The following MFN1 variants were observed in gnomAD, a reference collection of about 807,000 sequenced individuals.
The protein encoded by MFN1 is mitofusin 1.
A neutral mutation model predicts 92.4 loss-of-function variants in MFN1; 65 were observed. The observed-to-expected ratio is 0.70, with a 90% CI of 0.58 to 0.86. The LOEUF (loss-of-function observed/expected upper bound fraction) is 0.86. Among genes scored for constraint, MFN1 ranks in the 40% least tolerant of loss-of-function variants. The pLI is 0.00. For missense variants in MFN1, 781 were observed against 868.0 expected (o/e 0.90, Z 1.26); for synonymous variants, 297 against 300.9 (o/e 0.99, Z 0.13).
In MFN1 at chr3:179,382,707, A is replaced by G. The variant is rs571854304; in HGVS notation, c.1663-2862A>G. Among the ~76,000 whole-genome samples, 129 of 152,272 alleles carry G rather than the reference A, an allele frequency of 8.5e-4. 2 individuals carry two copies. Among genetic ancestry groups the G allele is most frequent in the African/African-American group, 2.9e-3 (120 of 41,560 alleles). On this transcript the variant is annotated intron_variant, in intron 14 of 17. Coordinates refer to ENST00000471841, the MANE Select transcript of MFN1 (RefSeq NM_033540.3). ...CCACCAACAGTGTAAAAGTGTTCCT[A>G]TTTCTCCACATCCTCTCCAGCACCT... is the stretch of plus-strand genomic sequence containing the variant.
intron 12 of MFN1, among the ~76,000 whole-genome samples, chr3:179,377,776 A>C (rs962105578): frequency 3.9e-5 from 6 of 152,148 alleles, no homozygotes; most frequent in Admixed American, 3.9e-4. Context: ...TCTACAAAAA[A>C]CAGTTAGGCT....
In MFN1 at chr3:179,390,138, GGTATT is replaced by G; in HGVS notation, c.2147+1_2147+5del. ...ATACAAAACAATTCAAAGCTCTTAAGGTATTTAAACCTTTCTTCTCAATAATTTGA... is the reference window on the plus strand; with the variant it reads ...ATACAAAACAATTCAAAGCTCTTAAGTAAACCTTTCTTCTCAATAATTTGA... On this transcript the variant is annotated splice_donor_variant and splice_donor_5th_base_variant and intron_variant, in intron 17 of 17. Coordinates refer to ENST00000471841, the MANE Select transcript of MFN1 (RefSeq NM_033540.3). LOFTEE classifies it high-confidence loss of function. 1 of 1,568,152 alleles carries G rather than the reference GGTATT, an allele frequency of 6.4e-7. No individual in the cohort carries two copies. The highest frequency in any genetic ancestry group is 8.6e-7 in the Non-Finnish European group (1 of 1,163,606).
intron 9 of MFN1, 99 bp from the exon 10 acceptor site, chr3:179,375,121 G>T: frequency 7.1e-6 from 9 of 1,271,032 alleles, no homozygotes; most frequent in East Asian, 2.8e-5. Flanking sequence ...CTTTATTTCT[G>T]TTTGGGTTAA....
chr3:179,357,221 C>T (rs1032914522), intron 3 of MFN1, among the ~76,000 whole-genome samples: 1 of 152,154 alleles, frequency 6.6e-6, no homozygotes, highest in African/African-American at 2.4e-5. Context: ...TGCAAATGGT[C>T]AGTATCTGGT....
chr3:179,377,923 G>A (rs986831953), intron 12 of MFN1, among the ~76,000 whole-genome samples: 9 of 152,028 alleles, frequency 5.9e-5, no homozygotes, highest in South Asian at 4.1e-4. Flanking sequence ...AAAATTAGCC[G>A]GTGGCAGGCG....
At chr3:179,370,613 T>A (rs1300344142) in intron 9 of MFN1, among the ~76,000 whole-genome samples, 1 of 152,010 alleles carries the variant, frequency 6.6e-6, no homozygotes, top group Non-Finnish European at 1.5e-5. Flanking sequence ...GGTTACACAG[T>A]GTTGGCCAGG....
intron 14 of MFN1, among the ~76,000 whole-genome samples, chr3:179,381,333 C>T (rs1464862480): frequency 1.3e-5 from 2 of 152,240 alleles, no homozygotes; most frequent in Non-Finnish European, 2.9e-5. Flanking sequence ...AGAGGACCCA[C>T]TTCTTGGTCC....
intron 14 of MFN1, among the ~76,000 whole-genome samples, chr3:179,382,651 T>G (rs535251631): frequency 6.6e-6 from 1 of 152,312 alleles, no homozygotes; most frequent in African/African-American, 2.4e-5. Context: ...CACCACACTG[T>G]CTTCCACAAT....
intron 9 of MFN1, among the ~76,000 whole-genome samples, chr3:179,368,474 C>G (rs550382935): frequency 1.3e-5 from 2 of 152,230 alleles, no homozygotes; most frequent in South Asian, 4.1e-4. Context: ...AAGCATTATC[C>G]TTTTTTACTT....
Position 179,351,923 on chromosome 3 carries a change from G to C in MFN1, c.136G>C (p.Asp46His), listed in dbSNP as rs1158176194. The change falls in exon 3 of 18, where the codon GAT becomes CAT. Residue 46 changes from aspartate (D) to histidine (H), a missense_variant. By Grantham distance (81) the Asp-to-His change is moderately conservative. Transcript: ENST00000471841. ...AGCAACATATAAGAATCCGGAACTT[G>C]ATCGAATAGCCACTGAAGATGATCT... Reference protein sequence around the residue: ...VEATYKNPELDRIATEDDLVE... With the variant: ...VEATYKNPELHRIATEDDLVE... The C allele has an allele frequency of 6.2e-7, 1 of 1,606,318 alleles. No homozygotes were observed. Among genetic ancestry groups the C allele is most frequent in the Non-Finnish European group, 8.5e-7 (1 of 1,174,732 alleles).
intron 16 of MFN1, among the ~76,000 whole-genome samples, chr3:179,389,083 C>T (rs1453548432): frequency 6.6e-6 from 1 of 152,180 alleles, no homozygotes; most frequent in Admixed American, 6.5e-5. Flanking sequence ...AAAGTCTGAA[C>T]TAACAGTTAA....
rs753061221 is a variant in MFN1, at chr3:179,364,581, A to G, written c.645+176A>G. The stretch of plus-strand genomic sequence containing the variant: ...GAAGGGCTGTTTCTAGTCTTTCTAT[A>G]GTGTGTAGTTCCCTGGATTTCTCTA... On this transcript the variant is annotated intron_variant, in intron 6 of 17. Coordinates refer to ENST00000471841, the MANE Select transcript of MFN1 (RefSeq NM_033540.3). Among the ~76,000 whole-genome samples, 25 of 152,154 alleles carry G rather than the reference A, an allele frequency of 1.6e-4. No homozygotes were observed. The highest frequency in any genetic ancestry group is 2.8e-4 in the Non-Finnish European group (19 of 68,022).
In MFN1 at chr3:179,378,736, G is replaced by GTCT. The variant is rs1713352734; in HGVS notation, c.1587_1589dup (p.Ser530dup). On this transcript the variant is annotated inframe_insertion, in exon 14 of 18. Transcript: ENST00000471841. ...TTGTATTTCGTTTTTCCCTGGGCTG[G>GTCT]TCTTCCCTTGTACATCGATTTTTGG... 35 of 1,613,892 alleles carry GTCT rather than the reference G, an allele frequency of 2.2e-5. No homozygotes were observed. The highest frequency in any genetic ancestry group is 3.0e-5 in the Non-Finnish European group (35 of 1,179,968).
intron 14 of MFN1, among the ~76,000 whole-genome samples, chr3:179,382,028 G>A (rs1324704223): frequency 6.6e-6 from 1 of 151,802 alleles, no homozygotes; most frequent in African/African-American, 2.4e-5. Context: ...AAAAGATTTG[G>A]TTTTCACATT....
rs1417329892 is a variant in MFN1 at position 179,386,489 on chromosome 3, T to C, written c.1872T>C (p.Ala624=). The change falls in exon 16 of 18, where the codon GCT becomes GCC. Residue 624 remains alanine, a synonymous_variant. Coordinates refer to ENST00000471841, the MANE Select transcript of MFN1 (RefSeq NM_033540.3). The stretch of plus-strand genomic sequence containing the variant: ...CTGTTTCATTAACTATGTATGGAGC[T>C]TTGTATCTTTATGAAAGACTGAGCT... ...LLSVSLTMYG[A]LYLYERLSWT... 2 of 1,613,858 alleles carry C rather than the reference T, an allele frequency of 1.2e-6. No individual in the cohort carries two copies. Among genetic ancestry groups the C allele is most frequent in the Non-Finnish European group, 1.7e-6 (2 of 1,179,934 alleles).
intron 16 of MFN1, among the ~76,000 whole-genome samples, chr3:179,387,267 T>C (rs1713719731): frequency 6.6e-6 from 1 of 152,034 alleles, no homozygotes; most frequent in African/African-American, 2.4e-5. Context: ...TGTACCTGGC[T>C]GGGCAAGGTG....
Position 179,358,964 on chromosome 3 carries a change from C to A in MFN1, c.373C>A (p.Leu125Ile). 1 of 1,613,878 alleles carries A rather than the reference C, an allele frequency of 6.2e-7. No individual in the cohort carries two copies. Among genetic ancestry groups the A allele is most frequent in the South Asian group, 1.1e-5 (1 of 91,056 alleles). ...AGGAACTGATGGAGATAAAGCCTAT[C>A]TTATGACAGAAGGATCAGATGAAAA... is the stretch of plus-strand genomic sequence containing the variant. Reference protein sequence around the residue: ...VEGTDGDKAYLMTEGSDEKKS... With the variant: ...VEGTDGDKAYIMTEGSDEKKS... The change falls in exon 4 of 18, where the codon CTT (leucine) becomes ATT (isoleucine). Residue 125 changes from leucine (L) to isoleucine (I), a missense_variant. By Grantham distance (5) the Leu-to-Ile change is conservative (BLOSUM62 2). Coordinates refer to ENST00000471841, the MANE Select transcript of MFN1 (RefSeq NM_033540.3).
chr3:179,380,144 T>G (rs1000500303), intron 14 of MFN1, among the ~76,000 whole-genome samples: 1 of 152,202 alleles, frequency 6.6e-6, no homozygotes, highest in Admixed American at 6.5e-5. Context: ...GTTTGTGGTG[T>G]TAAAGCATCT....
intron 3 of MFN1, among the ~76,000 whole-genome samples, chr3:179,353,219 A>G (rs1473117777): frequency 7.9e-6 from 1 of 126,460 alleles, no homozygotes; most frequent in Non-Finnish European, 1.7e-5. Context: ...ACACCTGGCT[A>G]ATTTTTTTTT....
Sources: allele counts gnomAD v4.1 joint callset (sites outside exome capture counted in the v4.1 genomes callset), GRCh38; gene constraint gnomAD v4.1.1; transcripts MANE v1.5; gene names NCBI Gene and HGNC (gene_info 2026-07-23, HGNC 2026-07-21).